Variants in ANK3 observed in about 807,000 individuals in gnomAD.
The protein encoded by ANK3 is ankyrin-3.
In ANK3, 57 loss-of-function variants were observed where a neutral mutation model predicts 370.9. The ratio of observed to expected loss-of-function variants is 0.15; its 90% CI spans 0.12 to 0.19. The LOEUF (loss-of-function observed/expected upper bound fraction) is 0.19, where lower values mean the gene tolerates loss of function less well. Among genes scored for constraint, ANK3 ranks in the 10% least tolerant of loss-of-function variants. The pLI, the probability that ANK3 is intolerant of heterozygous loss-of-function variation, is 1.00. For synonymous variants in ANK3, 1,929 were observed against 1,946.3 expected (o/e 0.99, Z 0.23); for missense variants, 4,439 against 5,302.1 (o/e 0.84, Z 5.06).
chr10:60,570,904 C>T (rs187108273), intron 2 of ANK3, among the ~76,000 whole-genome samples: 224 of 152,250 alleles, frequency 1.5e-3, no homozygotes, highest in Admixed American at 1.4e-3. Context: ...TGATTTACAA[C>T]GAATCCAGCC....
At chr10:60,245,096 G>A (rs1425457457) in intron 7 of ANK3, among the ~76,000 whole-genome samples, 2 of 152,144 alleles carry the variant, frequency 1.3e-5, no homozygotes, top group Non-Finnish European at 2.9e-5. Flanking sequence ...GTGAACCCGG[G>A]AGGCCGAGCT....
At position 60,565,779 on chromosome 10, in the gene ANK3, T is replaced by C. The variant is rs566055890; in HGVS notation, c.96+49407A>G. Among the ~76,000 whole-genome samples the C allele has an allele frequency of 2.6e-5, 4 of 152,328 alleles. No individual in the cohort carries two copies. In the South Asian group the frequency reaches 6.2e-4, roughly 24 times the overall value. ...CTCAATGTAAGCATGCCTTTGACTA[T>C]CCTTTCATGACTTCATCCTCCAAAT... On this transcript the variant is annotated intron_variant, in intron 2 of 43. Transcript: ENST00000373827.
In ANK3 at chr10:60,164,696, C is replaced by T. The variant is rs545272865; in HGVS notation, c.2614+1895G>A. Among the ~76,000 whole-genome samples the T allele has an allele frequency of 1.2e-4, 19 of 152,146 alleles. No homozygotes were observed. The South Asian group carries it at 3.1e-3, about 25-fold the overall frequency. On this transcript the variant is annotated intron_variant, in intron 23 of 43. Transcript: ENST00000280772. The stretch of plus-strand genomic sequence containing the variant: ...GAAGGATTTTTAAAGACAGAATTGT[C>T]CAAATGGACTATGCAGCTTAGGAAT...
chr10:60,344,944 C>G (rs1028683350), intron 1 of ANK3, among the ~76,000 whole-genome samples: 24 of 152,152 alleles, frequency 1.6e-4, no homozygotes, highest in African/African-American at 5.8e-4. Flanking sequence ...CACATTCATT[C>G]TGAAAAGGCT....
chr10:60,653,013 T>C (rs904014917), intron 1 of ANK3, among the ~76,000 whole-genome samples: 2 of 152,186 alleles, frequency 1.3e-5, no homozygotes, highest in African/African-American at 2.4e-5. Flanking sequence ...TTTTCTTCGG[T>C]TGTCTTGTTA....
At chr10:60,143,475 A>T (rs2094662294) in intron 23 of ANK3, among the ~76,000 whole-genome samples, 1 of 152,218 alleles carries the variant, frequency 6.6e-6, no homozygotes, top group Non-Finnish European at 1.5e-5. Context: ...GATGACATGC[A>T]TTTTATATCA....
rs1293641158 is a variant in ANK3 at position 60,074,172 on chromosome 10, C to T, written c.6709G>A (p.Gly2237Ser). 3 of 1,613,916 alleles carry T rather than the reference C, an allele frequency of 1.9e-6. No individual in the cohort carries two copies. Among genetic ancestry groups the T allele is most frequent in the East Asian group, 2.2e-5 (1 of 44,894 alleles). Residue 2237 changes from glycine (G) to serine (S), a missense_variant, in exon 37 of 44, where the codon GGC (glycine) becomes AGC (serine). Transcript: ENST00000280772. ...EDDHNRVLSK[G>S]MRVKEETHIT... Reference sequence around the variant, plus strand: ...TGAGTCTCTTCTTTAACACGCATGCCTTTGCTTAAAACCCGATTGTGGTCA... The same window carrying T: ...TGAGTCTCTTCTTTAACACGCATGCTTTTGCTTAAAACCCGATTGTGGTCA...
intron 1 of ANK3, among the ~76,000 whole-genome samples, chr10:60,316,029 AT>A (rs1264990581): frequency 6.6e-6 from 1 of 152,194 alleles, no homozygotes; most frequent in Non-Finnish European, 1.5e-5. Flanking sequence ...AGCAGACAGC[AT>A]TTCCAGAGAC....
chr10:60,355,811 T>C (rs1243251532), intron 1 of ANK3, among the ~76,000 whole-genome samples: 1 of 152,166 alleles, frequency 6.6e-6, no homozygotes, highest in Non-Finnish European at 1.5e-5. Context: ...TAAACAAAGT[T>C]CTACATTTCA....
intron 1 of ANK3, among the ~76,000 whole-genome samples, chr10:60,378,116 C>T (rs528242774): frequency 2.0e-5 from 3 of 152,246 alleles, no homozygotes; most frequent in South Asian, 4.2e-4. Context: ...CCCATCACTT[C>T]GTAAGGCCTG....
At chr10:60,639,182 T>C (rs1388247180) in intron 1 of ANK3, among the ~76,000 whole-genome samples, 1 of 151,882 alleles carries the variant, frequency 6.6e-6, no homozygotes, top group African/African-American at 2.4e-5. Flanking sequence ...CGACAGAAGA[T>C]GTCAGAAACC....
At chr10:60,053,581 G>T in intron 42 of ANK3, 2 of 958,776 alleles carry the variant, frequency 2.1e-6, no homozygotes, top group Non-Finnish European at 2.8e-6. Flanking sequence ...TCTAGGAATT[G>T]GTAAAGGGGA....
chr10:60,187,276 C>T (rs1350945001), intron 16 of ANK3, among the ~76,000 whole-genome samples: 2 of 152,086 alleles, frequency 1.3e-5, no homozygotes, highest in Non-Finnish European at 2.9e-5. Flanking sequence ...CTGCCTCAGC[C>T]TCCCGAGTAG....
chr10:60,517,906 C>G (rs907400095), intron 2 of ANK3, among the ~76,000 whole-genome samples: 1 of 152,030 alleles, frequency 6.6e-6, no homozygotes, highest in Non-Finnish European at 1.5e-5. Context: ...ATAACCACCC[C>G]ACTGGCTAGC....
At chr10:60,662,786 T>C (rs2078951292) in intron 1 of ANK3, among the ~76,000 whole-genome samples, 1 of 152,184 alleles carries the variant, frequency 6.6e-6, no homozygotes, top group African/African-American at 2.4e-5. Context: ...GTCTAGCATG[T>C]CGTTGGTGCT....
intron 1 of ANK3, among the ~76,000 whole-genome samples, chr10:60,363,018 T>G (rs1336336098): frequency 2.2e-5 from 3 of 136,808 alleles, no homozygotes. Context: ...TGCTACCCTT[T>G]CCAGCAGAAA....
intron 1 of ANK3, among the ~76,000 whole-genome samples, chr10:60,664,133 GAACCC>G (rs2078969169): frequency 6.6e-6 from 1 of 152,226 alleles, no homozygotes; most frequent in Non-Finnish European, 1.5e-5. Context: ...GAGATAGCAC[GAACCC>G]TGATGGGAAC....
intron 1 of ANK3, among the ~76,000 whole-genome samples, chr10:60,370,624 T>C (rs971869676): frequency 1.3e-5 from 2 of 152,166 alleles, no homozygotes; most frequent in African/African-American, 4.8e-5. Flanking sequence ...ATTGCCATAG[T>C]CTAGATCTGA....
chr10:60,542,627 A>G (rs971644252), intron 2 of ANK3, among the ~76,000 whole-genome samples: 2 of 152,052 alleles, frequency 1.3e-5, no homozygotes. Flanking sequence ...TAAGGATAAT[A>G]TAATGCATAT....
Sources: gnomAD v4.1 joint callset for allele counts (sites outside exome capture counted in the v4.1 genomes callset) on GRCh38, gnomAD v4.1.1 for gene constraint, MANE v1.5 for transcripts, NCBI Gene and HGNC (gene_info 2026-07-23, HGNC 2026-07-21) for gene names.